The following SLC35F2 variants were observed in gnomAD, a reference collection of about 807,000 sequenced individuals.
SLC35F2 encodes the protein queuine/queuosine transporter SLC35F2.
Under a neutral mutation model 38.1 loss-of-function variants are expected in SLC35F2, and 25 were observed. That is an observed-to-expected ratio of 0.66 (90% CI 0.48 to 0.92). The LOEUF (loss-of-function observed/expected upper bound fraction) is 0.92. Among genes scored for constraint, SLC35F2 ranks in the 40% least tolerant of loss-of-function variants. The pLI is 0.00. For missense variants in SLC35F2, 409 were observed against 452.9 expected (o/e 0.90, Z 0.88); for synonymous variants, 173 against 181.7 (o/e 0.95, Z 0.38).
intron 1 of SLC35F2, among the ~76,000 whole-genome samples, chr11:107,854,270 G>A (rs1467598238): frequency 4.2e-4 from 59 of 142,022 alleles, no homozygotes; most frequent in African/African-American, 1.4e-3. Context: ...TGTCTCTACG[G>A]AAAAAAAAAA....
intron 2 of SLC35F2, 73 bp downstream of exon 2, chr11:107,815,717 G>T: frequency 6.7e-7 from 1 of 1,490,944 alleles, no homozygotes; most frequent in South Asian, 1.4e-5. Context: ...ACAGAATTTA[G>T]AGGTGTCATA....
intron 1 of SLC35F2, among the ~76,000 whole-genome samples, chr11:107,824,505 C>T (rs1470567175): frequency 6.6e-6 from 1 of 152,174 alleles, no homozygotes; most frequent in Non-Finnish European, 1.5e-5. Flanking sequence ...TGGTTCACAC[C>T]ATGTGCTGTT....
At position 107,858,275 on chromosome 11, in the gene SLC35F2, AG is replaced by A. The variant is rs1190111764; in HGVS notation, c.110+382del. On this transcript the variant is annotated intron_variant, in intron 1 of 7. Transcript: ENST00000525815. ...CAGATGGAATGAGGGCGCCGGCGCC[AG>A]GAAGTGGCGCTCACCCACCTGCCCA... Among the ~76,000 whole-genome samples the A allele has an allele frequency of 1.3e-4, 20 of 151,752 alleles. 1 individual carries two copies. Among genetic ancestry groups the A allele is most frequent in the African/African-American group, 4.4e-4 (18 of 41,312 alleles).
At chr11:107,855,396 T>C (rs1226023195) in intron 1 of SLC35F2, among the ~76,000 whole-genome samples, 1 of 152,182 alleles carries the variant, frequency 6.6e-6, no homozygotes, top group African/African-American at 2.4e-5. Context: ...CTCACACCTG[T>C]AATCCCAGCA....
At chr11:107,819,769 T>C (rs1859640630) in intron 1 of SLC35F2, among the ~76,000 whole-genome samples, 1 of 152,188 alleles carries the variant, frequency 6.6e-6, no homozygotes, top group Admixed American at 6.5e-5. Context: ...TTTCCCTATA[T>C]TTCATTGTTC....
intron 1 of SLC35F2, among the ~76,000 whole-genome samples, chr11:107,822,993 AATAT>A (rs759758616): frequency 6.6e-6 from 1 of 152,008 alleles, no homozygotes; most frequent in African/African-American, 2.4e-5. Context: ...ACATATATAT[AATAT>A]ATATATGAGA....
At chr11:107,855,265 T>G (rs560660094) in intron 1 of SLC35F2, among the ~76,000 whole-genome samples, 1 of 152,078 alleles carries the variant, frequency 6.6e-6, no homozygotes, top group Non-Finnish European at 1.5e-5. Flanking sequence ...TTGTGAACCT[T>G]TGTCATCCCT....
At chr11:107,855,115 A>T (rs749777869) in intron 1 of SLC35F2, among the ~76,000 whole-genome samples, 14 of 152,194 alleles carry the variant, frequency 9.2e-5, no homozygotes, top group Non-Finnish European at 1.9e-4. Context: ...AAGTGCTTGG[A>T]TGGCTGCCAG....
chr11:107,852,379 G>C (rs754927004), intron 1 of SLC35F2, among the ~76,000 whole-genome samples: 2 of 151,928 alleles, frequency 1.3e-5, no homozygotes, highest in Non-Finnish European at 2.9e-5. Flanking sequence ...GTGAAACCCC[G>C]TCTCTACTAA....
intron 7 of SLC35F2, among the ~76,000 whole-genome samples, chr11:107,798,835 G>T (rs1233200474): frequency 6.6e-6 from 1 of 152,190 alleles, no homozygotes; most frequent in African/African-American, 2.4e-5. Flanking sequence ...CAGCACTTTG[G>T]GAGGCAGAGG....
At chr11:107,822,245 T>G (rs1859683799) in intron 1 of SLC35F2, among the ~76,000 whole-genome samples, 1 of 152,112 alleles carries the variant, frequency 6.6e-6, no homozygotes, top group African/African-American at 2.4e-5. Context: ...AAAAAAAAAT[T>G]TAAGGAATGA....
At chr11:107,794,609 G>T (rs1477936542) in intron 7 of SLC35F2, among the ~76,000 whole-genome samples, 1 of 152,096 alleles carries the variant, frequency 6.6e-6, no homozygotes, top group African/African-American at 2.4e-5. Flanking sequence ...ACTGAATGGG[G>T]AAAATATAAA....
At chr11:107,838,622 G>A (rs1459324611) in intron 1 of SLC35F2, among the ~76,000 whole-genome samples, 8 of 123,786 alleles carry the variant, frequency 6.5e-5, no homozygotes, top group Non-Finnish European at 1.3e-4. Context: ...ACTTTGCCCG[G>A]CCCTCTTTTT....
At chr11:107,842,408 C>T (rs967138174) in intron 1 of SLC35F2, among the ~76,000 whole-genome samples, 8 of 151,816 alleles carry the variant, frequency 5.3e-5, no homozygotes, top group Non-Finnish European at 1.0e-4. Flanking sequence ...GGCTGAAGTG[C>T]AGTAGCATGA....
At chr11:107,802,242 A>AAAAAAAAAAAAATAAATAAATAAAT in intron 7 of SLC35F2, among the ~76,000 whole-genome samples, 1 of 147,982 alleles carries the variant, frequency 6.8e-6, no homozygotes, top group African/African-American at 2.6e-5. Flanking sequence ...CATCTCAAAA[A>AAAAAAAAAAAAATAAATAAATAAAT]AAATAAATAA....
rs568241862 is a variant in SLC35F2 at position 107,799,022 on chromosome 11, G to A, written c.939+3979C>T. Reference sequence around the variant, plus strand: ...ACCCAGACTGCAGGGGTGGCAGTGAGCTGAGATCACACCACTGCACTCCAG... The same window carrying A: ...ACCCAGACTGCAGGGGTGGCAGTGAACTGAGATCACACCACTGCACTCCAG... On this transcript the variant is annotated intron_variant, in intron 7 of 7. Transcript: ENST00000525815. Among the ~76,000 whole-genome samples the A allele has an allele frequency of 3.3e-5, 5 of 152,318 alleles. No individual in the cohort carries two copies. In the East Asian group the frequency reaches 9.6e-4, roughly 29 times the overall value.
At chr11:107,850,377 CAATT>C (rs2134860257) in intron 1 of SLC35F2, among the ~76,000 whole-genome samples, 1 of 152,184 alleles carries the variant, frequency 6.6e-6, no homozygotes, top group Admixed American at 6.5e-5. Context: ...CAGTGGTTCT[CAATT>C]AGGGATGATT....
chr11:107,846,563 G>A (rs1860107488), intron 1 of SLC35F2, among the ~76,000 whole-genome samples: 1 of 152,030 alleles, frequency 6.6e-6, no homozygotes, highest in African/African-American at 2.4e-5. Flanking sequence ...AAGAATTGCT[G>A]CCAAAATTAT....
intron 4 of SLC35F2, 157 bp from the exon 5 acceptor site, chr11:107,805,672 ATG>A (rs373481843): frequency 2.6e-4 from 242 of 924,032 alleles, no homozygotes; most frequent in South Asian, 6.8e-4. Flanking sequence ...GTGTGTGTGT[ATG>A]TGTGTGTGTG....
Sources: gnomAD v4.1 joint callset for allele counts (sites outside exome capture counted in the v4.1 genomes callset) on GRCh38, gnomAD v4.1.1 for gene constraint, MANE v1.5 for transcripts, NCBI Gene and HGNC (gene_info 2026-07-23, HGNC 2026-07-21) for gene names.